Variants in PPP1R1C observed in about 807,000 individuals in gnomAD.
PPP1R1C encodes protein phosphatase 1 regulatory subunit 1C.
A neutral mutation model predicts 17.4 loss-of-function variants in PPP1R1C; 15 were observed. The ratio of observed to expected loss-of-function variants is 0.86; its 90% CI spans 0.58 to 1.33. PPP1R1C has a LOEUF of 1.33. PPP1R1C is among the 40% of genes most tolerant of loss of function. The pLI, the probability that PPP1R1C is intolerant of heterozygous loss-of-function variation, is 0.00. For missense variants in PPP1R1C, 143 were observed against 130.0 expected (o/e 1.10, Z -0.48); for synonymous variants, 35 against 43.1 (o/e 0.81, Z 0.73).
intron 2 of PPP1R1C, among the ~76,000 whole-genome samples, chr2:182,050,597 A>T (rs1031322395): frequency 6.6e-6 from 1 of 152,150 alleles, no homozygotes; most frequent in South Asian, 2.1e-4. Flanking sequence ...CTCTGATCAT[A>T]GTGTCACACT....
chr2:181,972,248 T>G (rs1685023268), intron 1 of PPP1R1C, among the ~76,000 whole-genome samples: 1 of 152,176 alleles, frequency 6.6e-6, no homozygotes, highest in Non-Finnish European at 1.5e-5. Context: ...TTGGAAAGTT[T>G]AATACCTATG....
intron 4 of PPP1R1C, among the ~76,000 whole-genome samples, chr2:182,064,361 A>G (rs1687928284): frequency 6.6e-6 from 1 of 152,118 alleles, no homozygotes; most frequent in Non-Finnish European, 1.5e-5. Context: ...CAGTATCTTG[A>G]CCAACATCAG....
chr2:182,083,588 A>T lies in PPP1R1C; in HGVS notation c.241+19797A>T, dbSNP rs1038597530. Among the ~76,000 whole-genome samples, 4 of 151,758 alleles carry T rather than the reference A, an allele frequency of 2.6e-5. No individual in the cohort carries two copies. In the South Asian group the frequency reaches 8.3e-4, roughly 32 times the overall value. The stretch of plus-strand genomic sequence containing the variant: ...CTACATCCAAGTTGTTGCAAAGGAT[A>T]TTTTTTTTCTTTTTTAATGCCTGAG... On this transcript the variant is annotated intron_variant, in intron 4 of 4. Coordinates refer to ENST00000682840, the MANE Select transcript of PPP1R1C (RefSeq NM_001080545.3).
upstream of PPP1R1C, among the ~76,000 whole-genome samples, chr2:181,981,326 T>C (rs1490546925): frequency 6.6e-6 from 1 of 152,226 alleles, no homozygotes; most frequent in East Asian, 1.9e-4. Context: ...GCAAGTATTT[T>C]ATACTTAAGT....
At chr2:182,127,664 C>G (rs1689908027) in intron 5 of PPP1R1C, among the ~76,000 whole-genome samples, 1 of 152,050 alleles carries the variant, frequency 6.6e-6, no homozygotes, top group Non-Finnish European at 1.5e-5. Flanking sequence ...GAACTAATGT[C>G]TCGTAGGCCA....
chr2:181,987,986 C>T, intron 2 of PPP1R1C, 87 bp downstream of exon 2: 1 of 1,114,594 alleles, frequency 9.0e-7, no homozygotes, highest in Non-Finnish European at 1.3e-6. Context: ...TGAAAAGTTT[C>T]AATTTAGGAT....
At chr2:182,045,815 A>T (rs1342409526) in intron 2 of PPP1R1C, among the ~76,000 whole-genome samples, 1 of 152,142 alleles carries the variant, frequency 6.6e-6, no homozygotes, top group Non-Finnish European at 1.5e-5. Flanking sequence ...ATAAAATAAG[A>T]ATATGACTTA....
chr2:181,990,348 G>C (rs1195900092), intron 2 of PPP1R1C, among the ~76,000 whole-genome samples: 1 of 151,896 alleles, frequency 6.6e-6, no homozygotes, highest in Non-Finnish European at 1.5e-5. Flanking sequence ...GTTTCACCGT[G>C]TTAGCCGGAT....
At chr2:182,120,902 T>C (rs1689718814), downstream of PPP1R1C, among the ~76,000 whole-genome samples, 1 of 152,144 alleles carries the variant, frequency 6.6e-6, no homozygotes, top group Admixed American at 6.5e-5. Flanking sequence ...CTTTGGGAAA[T>C]GGTTTCTTCC....
chr2:181,991,814 G>A (rs115598924), intron 2 of PPP1R1C, among the ~76,000 whole-genome samples: 2,780 of 152,108 alleles, frequency 0.018, 78 homozygotes, highest in African/African-American at 0.064. Flanking sequence ...TTCTTATACT[G>A]TGTGCTGTTT....
intron 1 of PPP1R1C, among the ~76,000 whole-genome samples, chr2:181,955,121 T>C (rs934232953): frequency 2.0e-5 from 3 of 152,226 alleles, no homozygotes; most frequent in African/African-American, 7.2e-5. Context: ...TATTCTAAGA[T>C]GGCCAGATGA....
At chr2:182,024,428 A>C (rs561749901) in intron 2 of PPP1R1C, among the ~76,000 whole-genome samples, 3 of 152,208 alleles carry the variant, frequency 2.0e-5, no homozygotes, top group South Asian at 2.1e-4. Flanking sequence ...TAACCACTAC[A>C]CTTGAAATAT....
In PPP1R1C at chr2:182,065,449, A is replaced by G. The variant is rs529918251; in HGVS notation, c.241+1658A>G. ...CACATCAAGAGGCTTCAATTATAAA[A>G]AAGATGAAAGAACAAAGGAAATGTT... On this transcript the variant is annotated intron_variant, in intron 4 of 4. Transcript: ENST00000682840. Among the ~76,000 whole-genome samples the G allele has an allele frequency of 5.9e-5, 9 of 152,304 alleles. 3 individuals are homozygous for G. The highest frequency in any genetic ancestry group is 2.2e-4 in the African/African-American group (9 of 41,588).
chr2:182,028,686 T>C (rs1209623), intron 2 of PPP1R1C, among the ~76,000 whole-genome samples: 121,213 of 148,896 alleles, frequency 0.81, 51,463 homozygotes, highest in Non-Finnish European at 0.94. Context: ...AGTGTATATT[T>C]TGTTGATTTG....
rs563183891 is a variant in PPP1R1C at position 181,961,596 on chromosome 2, C to T, written n.111+6962C>T. The T allele has an allele frequency of 2.7e-6, 2 of 741,834 alleles. No homozygotes were observed. The highest frequency in any genetic ancestry group is 2.5e-5 in the East Asian group (1 of 40,268). The allele number at this position is 741,834 out of a possible 1,614,324, so 46.0% of individuals were successfully genotyped here. A position where few individuals can be genotyped will look rare whatever the true frequency, so the allele number is the denominator to read the frequency against. ...GGACTGTACGTCTCAGCTCCGTGAG[C>T]GTCATCTCAGCATCTCCAACCTTGG... On this transcript the variant is annotated intron_variant and non_coding_transcript_variant, in intron 1 of 5. Transcript: ENST00000464264. The surrounding 1 kb of genome is among the most constrained non-coding windows in gnomAD (Gnocchi z 5.8).
chr2:182,018,188 A>G (rs1686314242), intron 2 of PPP1R1C, among the ~76,000 whole-genome samples: 1 of 152,202 alleles, frequency 6.6e-6, no homozygotes, highest in Non-Finnish European at 1.5e-5. Flanking sequence ...AAGACCAAAT[A>G]AAAACATTGA....
chr2:182,039,030 G>C (rs1291354626), intron 2 of PPP1R1C, among the ~76,000 whole-genome samples: 1 of 152,156 alleles, frequency 6.6e-6, no homozygotes, highest in Non-Finnish European at 1.5e-5. Context: ...TCCTTGCTTT[G>C]AGTACGAGTT....
intron 2 of PPP1R1C, among the ~76,000 whole-genome samples, chr2:182,040,646 C>T (rs951381017): frequency 6.6e-6 from 1 of 152,064 alleles, no homozygotes; most frequent in African/African-American, 2.4e-5. Context: ...CATGTACAAG[C>T]TTTTTGGTTT....
chr2:181,955,980 A>T (rs1029577767), intron 1 of PPP1R1C, among the ~76,000 whole-genome samples: 6 of 152,106 alleles, frequency 3.9e-5, no homozygotes, highest in Non-Finnish European at 8.8e-5. Context: ...TGCTGCACCC[A>T]TCAACCCATC....
Sources: allele counts gnomAD v4.1 joint callset (sites outside exome capture counted in the v4.1 genomes callset), GRCh38; gene constraint gnomAD v4.1.1; non-coding constraint Gnocchi (gnomAD v3.1); transcripts MANE v1.5; gene names NCBI Gene and HGNC (gene_info 2026-07-23, HGNC 2026-07-21).